Variants in NRSN1 observed in about 807,000 individuals in gnomAD.
The protein encoded by NRSN1 is neurensin-1.
In NRSN1, 14 loss-of-function variants were observed where a neutral mutation model predicts 17.3. That is an observed-to-expected ratio of 0.81 (90% CI 0.54 to 1.27). The LOEUF is 1.27. NRSN1 is among the 50% of genes most tolerant of loss of function. The probability of loss-of-function intolerance (pLI) is 0.00; values close to 1 mark genes in which losing one functional copy is unlikely to be tolerated. For missense variants in NRSN1, 209 were observed against 235.9 expected (o/e 0.89, Z 0.75); for synonymous variants, 79 against 94.2 (o/e 0.84, Z 0.93).
At chr6:24,141,388 C>A in intron 3 of NRSN1, 1 of 458,732 alleles carries the variant, frequency 2.2e-6, no homozygotes, top group Non-Finnish European at 3.3e-6. Context: ...CCATATGCTA[C>A]TCATGAGACT....
At position 24,128,381 on chromosome 6, in the gene NRSN1, T is replaced by C. The variant is rs576429048; in HGVS notation, c.-10+181T>C. Among the ~76,000 whole-genome samples the C allele has an allele frequency of 2.6e-4, 40 of 152,330 alleles. 2 individuals carry two copies. The highest frequency in any genetic ancestry group is 8.9e-4 in the African/African-American group (37 of 41,566). On this transcript the variant is annotated intron_variant, in intron 2 of 3. Transcript: ENST00000378491. ...TGATAACAAGTAAGATAATCTTACA[T>C]TGTTACTCCTTTTTAAAAATTATAA...
intron 3 of NRSN1, among the ~76,000 whole-genome samples, chr6:24,140,497 A>T (rs1216426780): frequency 6.6e-6 from 1 of 152,210 alleles, no homozygotes; most frequent in Non-Finnish European, 1.5e-5. Flanking sequence ...ACAGTCTGCC[A>T]CTGCTGCTGG....
chr6:24,142,420 C>T (rs886433129), intron 3 of NRSN1, among the ~76,000 whole-genome samples: 2 of 152,008 alleles, frequency 1.3e-5, no homozygotes, highest in African/African-American at 2.4e-5. Flanking sequence ...ACTAGTCACA[C>T]CACCTGCTAT....
intron 2 of NRSN1, among the ~76,000 whole-genome samples, chr6:24,133,247 A>G (rs1257532058): frequency 6.6e-6 from 1 of 152,180 alleles, no homozygotes; most frequent in Non-Finnish European, 1.5e-5. Context: ...GGTTGTGTCC[A>G]CTCTCCACAT....
At chr6:24,136,566 G>A (rs1279478608) in intron 3 of NRSN1, among the ~76,000 whole-genome samples, 1 of 151,578 alleles carries the variant, frequency 6.6e-6, no homozygotes, top group African/African-American at 2.4e-5. Flanking sequence ...GCATTTGCCT[G>A]ACAGATCTGT....
intron 1 of NRSN1, among the ~76,000 whole-genome samples, chr6:24,127,385 G>A (rs972613825): frequency 6.6e-6 from 1 of 152,176 alleles, no homozygotes; most frequent in African/African-American, 2.4e-5. Flanking sequence ...CAAGTCTTCA[G>A]GTTCTCCTGC....
At chr6:24,135,857 G>C (rs1184255024) in intron 3 of NRSN1, among the ~76,000 whole-genome samples, 1 of 152,168 alleles carries the variant, frequency 6.6e-6, no homozygotes, top group Non-Finnish European at 1.5e-5. Flanking sequence ...CTAAGAAGGG[G>C]AAGAGGCTTC....
chr6:24,143,433 T>C (rs1230562129), intron 3 of NRSN1, among the ~76,000 whole-genome samples: 1 of 152,258 alleles, frequency 6.6e-6, no homozygotes, highest in Non-Finnish European at 1.5e-5. Flanking sequence ...TAATAGATGT[T>C]CAATAATACC....
chr6:24,140,833 A>G, intron 3 of NRSN1: 2 of 1,268,900 alleles, frequency 1.6e-6, no homozygotes, highest in Non-Finnish European at 2.0e-6. Context: ...GTTGGTCAAA[A>G]TAACAGCAGT....
At position 24,133,786 on chromosome 6, in the gene NRSN1, T is replaced by G. The variant is rs997927055; in HGVS notation, c.-9-533T>G. 2.2e-4 allele frequency among the ~76,000 whole-genome samples: 34 copies of G among 152,324 alleles called. 1 individual carries two copies. The highest frequency in any genetic ancestry group is 1.5e-4 in the Non-Finnish European group (10 of 68,034). On this transcript the variant is annotated intron_variant, in intron 2 of 3. Transcript: ENST00000378491. ...TAGTCATTGAGTGTTTAGGTAATCT[T>G]GCATTAAGCAAAAAAGAAGAACAGC... is the stretch of plus-strand genomic sequence containing the variant.
intron 2 of NRSN1, among the ~76,000 whole-genome samples, chr6:24,129,921 C>A (rs971198776): frequency 1.3e-5 from 2 of 152,162 alleles, no homozygotes; most frequent in East Asian, 1.9e-4. Context: ...CATGGCCATG[C>A]TGGCAGGGAG....
intron 3 of NRSN1, chr6:24,140,876 T>C: frequency 7.7e-7 from 1 of 1,292,126 alleles, no homozygotes; most frequent in Non-Finnish European, 9.9e-7. Flanking sequence ...GCAGAATTTC[T>C]GGCATATAAA....
At chr6:24,144,518 A>C (rs892839248) in intron 3 of NRSN1, among the ~76,000 whole-genome samples, 1 of 152,170 alleles carries the variant, frequency 6.6e-6, no homozygotes, top group African/African-American at 2.4e-5. Flanking sequence ...GGAGGGTCTA[A>C]TGAAGCAAGA....
intron 3 of NRSN1, among the ~76,000 whole-genome samples, chr6:24,138,134 A>G (rs1447371685): frequency 1.3e-5 from 2 of 152,130 alleles, no homozygotes; most frequent in African/African-American, 4.8e-5. Context: ...TAATGAATCT[A>G]GGCTTTCATA....
chr6:24,145,237 A>T lies in NRSN1; in HGVS notation c.190-311A>T. On this transcript the variant is annotated intron_variant, in intron 3 of 3. Transcript: ENST00000378491. This position sits in a 1 kb window ranked among gnomAD's most constrained non-coding sequence, Gnocchi z 4.4. ...TAATATAAAGATTATATATATCTTT[A>T]GATAATATAAAGATTATATATATAT... 6.8e-6 allele frequency among the ~76,000 whole-genome samples: 1 copy of T among 146,750 alleles called. No individual in the cohort carries two copies. Among genetic ancestry groups the T allele is most frequent in the East Asian group, 2.0e-4 (1 of 5,120 alleles).
In NRSN1 at chr6:24,137,723, C is replaced by G. The variant is rs1760139367; in HGVS notation, c.189+3207C>G. On this transcript the variant is annotated intron_variant, in intron 3 of 3. Transcript: ENST00000378491. ...GCAGTCCCCGGAGTATGATGTTCCC[C>G]TTCCTGGTACACAGATTGTTATAAT... Among the ~76,000 whole-genome samples, 3 of 152,032 alleles carry G rather than the reference C, an allele frequency of 2.0e-5. No homozygotes were observed. The South Asian group carries it at 6.2e-4, about 32-fold the overall frequency.
intron 1 of NRSN1, among the ~76,000 whole-genome samples, chr6:24,127,384 A>G (rs1759965108): frequency 6.6e-6 from 1 of 152,238 alleles, no homozygotes; most frequent in Non-Finnish European, 1.5e-5. Flanking sequence ...TCAAGTCTTC[A>G]GGTTCTCCTG....
chr6:24,142,333 T>C (rs1468096816), intron 3 of NRSN1, among the ~76,000 whole-genome samples: 1 of 151,114 alleles, frequency 6.6e-6, no homozygotes. Context: ...GAAAGAAATA[T>C]ACAAAATAGT....
At position 24,145,743 on chromosome 6, in the gene NRSN1, T is replaced by C. The variant is rs1368795127; in HGVS notation, c.385T>C (p.Ser129Pro). ...TGTTCTCTTCTGCATTGGAGGCACG[T>C]CCATGGCAGGGTGCCTGCTGATGTC... is the stretch of plus-strand genomic sequence containing the variant. ...GAVLFCIGGT[S>P]MAGCLLMSVF... Residue 129 changes from serine (S) to proline (P), a missense_variant, in exon 4 of 4, where the codon TCC becomes CCC. Physicochemically the swap from Ser to Pro is moderately conservative, Grantham distance 74. Coordinates refer to ENST00000378491, the MANE Select transcript of NRSN1 (RefSeq NM_080723.5). The surrounding 1 kb of genome is among the most constrained non-coding windows in gnomAD (Gnocchi z 4.4). 1.2e-6 allele frequency: 2 copies of C among 1,614,004 alleles called. No homozygotes were observed. Among genetic ancestry groups the C allele is most frequent in the African/African-American group, 2.7e-5 (2 of 74,948 alleles).
Sources: allele counts gnomAD v4.1 joint callset (sites outside exome capture counted in the v4.1 genomes callset), GRCh38; gene constraint gnomAD v4.1.1; non-coding constraint Gnocchi (gnomAD v3.1); transcripts MANE v1.5; gene names NCBI Gene and HGNC (gene_info 2026-07-23, HGNC 2026-07-21).